Variants in SNX9 observed in about 807,000 individuals in gnomAD.
SNX9 encodes the protein sorting nexin 9.
In SNX9, 44 loss-of-function variants were observed where a neutral mutation model predicts 89.4. The observed-to-expected ratio is 0.49, with a 90% confidence interval of 0.39 to 0.63. The LOEUF is 0.63. Among genes scored for constraint, SNX9 ranks in the 30% least tolerant of loss-of-function variants. SNX9 has a pLI of 0.00. For missense variants in SNX9, 578 were observed against 736.1 expected, an observed-to-expected ratio of 0.79 and a Z score of 2.49; for synonymous variants, 236 against 247.8, an observed-to-expected ratio of 0.95 and a Z score of 0.45.
chr6:157,857,682 GGC>G (rs1168821968), intron 1 of SNX9, among the ~76,000 whole-genome samples: 1 of 149,928 alleles, frequency 6.7e-6, no homozygotes, highest in Non-Finnish European at 1.5e-5. Context: ...AAAGATTGGG[GGC>G]CATTCTTGTT....
intron 1 of SNX9, among the ~76,000 whole-genome samples, chr6:157,865,416 C>T (rs1350427602): frequency 6.6e-6 from 1 of 150,440 alleles, no homozygotes; most frequent in Non-Finnish European, 1.5e-5. Context: ...GTCAGGAAAA[C>T]ACCTCAGCAT....
chr6:157,926,780 CAA>C (rs71027371), intron 10 of SNX9, among the ~76,000 whole-genome samples: 9,165 of 60,040 alleles, frequency 0.15, 203 homozygotes, highest in South Asian at 0.25. Flanking sequence ...GACTCTGTCT[CAA>C]AAAAAAAAAA....
At chr6:157,921,038 T>C (rs1261933302) in intron 9 of SNX9, among the ~76,000 whole-genome samples, 1 of 152,242 alleles carries the variant, frequency 6.6e-6, no homozygotes, top group Non-Finnish European at 1.5e-5. Context: ...TAGATGTAAT[T>C]TATATTGCAT....
intron 1 of SNX9, among the ~76,000 whole-genome samples, chr6:157,848,968 C>T (rs191396301): frequency 9.9e-5 from 15 of 152,170 alleles, no homozygotes; most frequent in African/African-American, 3.1e-4. Context: ...TAGTTCAGGC[C>T]GGGTGTGGTA....
chr6:157,852,574 C>A (rs1781934880), intron 1 of SNX9, among the ~76,000 whole-genome samples: 1 of 148,104 alleles, frequency 6.8e-6, no homozygotes, highest in Non-Finnish European at 1.5e-5. Context: ...GTCCTATGTG[C>A]TACTTTTTTG....
At chr6:157,885,884 G>A (rs528015027) in intron 4 of SNX9, among the ~76,000 whole-genome samples, 1 of 152,334 alleles carries the variant, frequency 6.6e-6, no homozygotes, top group Non-Finnish European at 1.5e-5. Context: ...TAAGAGCTGC[G>A]ACCACTCACA....
chr6:157,824,242 T>A (rs1781298928), intron 1 of SNX9, among the ~76,000 whole-genome samples: 1 of 152,288 alleles, frequency 6.6e-6, no homozygotes, highest in South Asian at 2.1e-4. Context: ...GCTACCTGAA[T>A]TTTCAAAAGC....
chr6:157,915,640 A>AAAAAATATATATATATATATAT (rs1472422303), intron 9 of SNX9, among the ~76,000 whole-genome samples: 14 of 95,090 alleles, frequency 1.5e-4, no homozygotes, highest in Non-Finnish European at 2.3e-4. Context: ...AAAAAAAAAA[A>AAAAAATATATATATATATATAT]ATATATATAT....
At chr6:157,858,579 A>G (rs1377337858) in intron 1 of SNX9, among the ~76,000 whole-genome samples, 3 of 152,140 alleles carry the variant, frequency 2.0e-5, no homozygotes, top group African/African-American at 7.2e-5. Context: ...TGGTATTGAT[A>G]TAGGGGTGGG....
At chr6:157,859,282 T>G (rs1311965367) in intron 1 of SNX9, among the ~76,000 whole-genome samples, 2 of 152,244 alleles carry the variant, frequency 1.3e-5, no homozygotes, top group African/African-American at 4.8e-5. Flanking sequence ...ATTTCTTGTT[T>G]TATTTAATGT....
intron 4 of SNX9, chr6:157,885,496 T>G (rs182020164): frequency 5.3e-5 from 8 of 152,228 alleles, no homozygotes; most frequent in Non-Finnish European, 1.2e-4. Context: ...CAGTCCCTTT[T>G]GAGGAAAAGA....
chr6:157,941,684 A>G (rs1784039245), intron 17 of SNX9, among the ~76,000 whole-genome samples: 1 of 152,158 alleles, frequency 6.6e-6, no homozygotes, highest in South Asian at 2.1e-4. Flanking sequence ...GGGAGTGGTG[A>G]GCAAGCCCTC....
chr6:157,933,879 A>G (rs1453387343), intron 13 of SNX9, among the ~76,000 whole-genome samples: 1 of 152,238 alleles, frequency 6.6e-6, no homozygotes, highest in African/African-American at 2.4e-5. Flanking sequence ...TAAATGTTCC[A>G]TATTGCAAAT....
chr6:157,917,821 A>T (rs959845497), intron 9 of SNX9, among the ~76,000 whole-genome samples: 8 of 152,176 alleles, frequency 5.3e-5, no homozygotes, highest in Admixed American at 4.6e-4. Flanking sequence ...ACAGAAAAAA[A>T]TTTTTTCCCT....
At chr6:157,891,027 CTTT>C (rs67186551) in intron 4 of SNX9, among the ~76,000 whole-genome samples, 2 of 114,932 alleles carry the variant, frequency 1.7e-5, no homozygotes, top group South Asian at 3.0e-4. Context: ...TTTTCTTTCT[CTTT>C]TTTTTTTTTT....
chr6:157,928,644 T>C lies in SNX9; in HGVS notation c.1230T>C (p.Asp410=), dbSNP rs756088620. ...TGGGGAAGTTCACCAAGGCCATGGATGACGGCGTGAAGGAGCTGCTGACGG... is the reference window on the plus strand; with the variant it reads ...TGGGGAAGTTCACCAAGGCCATGGACGACGGCGTGAAGGAGCTGCTGACGG... ...EAVGKFTKAM[D]DGVKELLTVG... The change falls in exon 12 of 18, where the codon GAT becomes GAC. Residue 410 remains aspartate (D), a synonymous_variant. Coordinates refer to ENST00000392185, the MANE Select transcript of SNX9 (RefSeq NM_016224.5). 3.7e-6 allele frequency: 6 copies of C among 1,610,900 alleles called. No individual in the cohort carries two copies. The highest frequency in any genetic ancestry group is 5.1e-6 in the Non-Finnish European group (6 of 1,178,754).
Position 157,867,577 on chromosome 6 carries a change from C to G in SNX9, c.43C>G (p.Pro15Ala), listed in dbSNP as rs1475867742. ...GGTTATGTATGATTTTGCTGCTGAA[C>G]CTGGAAATAATGAACTGACGGTTAA... ...ARVMYDFAAE[P>A]GNNELTVNEG... The change falls in exon 2 of 18, where the codon CCT (proline) becomes GCT (alanine). Residue 15 changes from proline to alanine, a missense_variant. Physicochemically the swap from Pro to Ala is conservative, Grantham distance 27. Transcript: ENST00000392185. 6.2e-7 allele frequency: 1 copy of G among 1,612,470 alleles called. No individual in the cohort carries two copies. Among genetic ancestry groups the G allele is most frequent in the African/African-American group, 1.3e-5 (1 of 74,874 alleles).
intron 9 of SNX9, among the ~76,000 whole-genome samples, chr6:157,912,339 T>C (rs535519874): frequency 1.3e-5 from 2 of 152,308 alleles, no homozygotes; most frequent in Admixed American, 1.3e-4. Flanking sequence ...TTTTAATACA[T>C]TGTTTATTCT....
chr6:157,915,658 C>CAT lies in SNX9; in HGVS notation c.949+5634_949+5635insTA, dbSNP rs1178537228. ...AAAAAAAAATATATATATATATATA[C>CAT]ACACACACACACAAAAATTAGCCAG... On this transcript the variant is annotated intron_variant, in intron 9 of 17. Coordinates refer to ENST00000392185, the MANE Select transcript of SNX9 (RefSeq NM_016224.5). Among the ~76,000 whole-genome samples the CAT allele has an allele frequency of 3.0e-3, 337 of 110,912 alleles. 3 individuals carry two copies. The highest frequency in any genetic ancestry group is 0.011 in the African/African-American group (297 of 27,312). 72.8% of individuals were successfully genotyped at this position (110,912 alleles called of 152,430 possible). A position where few individuals can be genotyped will look rare whatever the true frequency, so the allele number is the denominator to read the frequency against.
Sources: gnomAD v4.1 joint callset for allele counts (sites outside exome capture counted in the v4.1 genomes callset) on GRCh38, gnomAD v4.1.1 for gene constraint, MANE v1.5 for transcripts, NCBI Gene and HGNC (gene_info 2026-07-23, HGNC 2026-07-21) for gene names.